FAM13A: variants seen among roughly 807,000 people sequenced by gnomAD.
FAM13A encodes protein FAM13A.
Under a neutral mutation model 129.6 loss-of-function variants are expected in FAM13A, and 76 were observed. That is an observed-to-expected ratio of 0.59 (90% CI 0.49 to 0.71). FAM13A has a LOEUF of 0.71. Ranked by LOEUF, FAM13A falls within the 30% of genes least tolerant of loss-of-function variation. The pLI is 0.00. For missense variants in FAM13A, 1,108 were observed against 1,249.3 expected (o/e 0.89, Z 1.70); for synonymous variants, 443 against 449.9 (o/e 0.98, Z 0.20).
chr4:88,906,531 A>G (rs1187486179), intron 5 of FAM13A, 69 bp from the exon 6 acceptor site: 10 of 1,004,008 alleles, frequency 1.0e-5, no homozygotes, highest in African/African-American at 8.3e-5. Flanking sequence ...ATTACAAGGT[A>G]GTGAAAAACA....
At chr4:88,902,394 A>G (rs991199293) in intron 6 of FAM13A, among the ~76,000 whole-genome samples, 18 of 152,184 alleles carry the variant, frequency 1.2e-4, no homozygotes, top group Non-Finnish European at 2.6e-4. Context: ...CAACACATCA[A>G]AAAGCATATG....
At chr4:88,828,113 C>G (rs1733320878) in intron 7 of FAM13A, among the ~76,000 whole-genome samples, 1 of 152,070 alleles carries the variant, frequency 6.6e-6, no homozygotes. Context: ...TACTTTAGGT[C>G]TAGGCTAATT....
At chr4:88,752,483 T>A (rs1742826754) in intron 14 of FAM13A, among the ~76,000 whole-genome samples, 1 of 152,194 alleles carries the variant, frequency 6.6e-6, no homozygotes, top group Non-Finnish European at 1.5e-5. Flanking sequence ...CTAGGTTATC[T>A]GGAAATGCAG....
Position 88,726,589 on chromosome 4 carries a change from T to TA in FAM13A, c.*1943dup, listed in dbSNP as rs1344985142. On this transcript the variant is annotated 3_prime_UTR_variant, in exon 24 of 24. Coordinates refer to ENST00000264344, the MANE Select transcript of FAM13A (RefSeq NM_014883.4). Reference sequence around the variant, plus strand: ...AGCTAACTGGTAATGATCTGATTAATATCATAGCTTATTTAAGAGAGCTAT... The same window carrying TA: ...AGCTAACTGGTAATGATCTGATTAATAATCATAGCTTATTTAAGAGAGCTAT... 1 of 152,620 alleles carries TA rather than the reference T, an allele frequency of 6.6e-6. No homozygotes were observed. The highest frequency in any genetic ancestry group is 1.5e-5 in the Non-Finnish European group (1 of 68,044). 9.5% of individuals were successfully genotyped at this position (152,620 alleles called of 1,614,324 possible).
At chr4:88,802,140 G>C (rs1727593442) in intron 8 of FAM13A, among the ~76,000 whole-genome samples, 1 of 152,156 alleles carries the variant, frequency 6.6e-6, no homozygotes, top group South Asian at 2.1e-4. Flanking sequence ...AACAGGGTAT[G>C]AACATCCTGG....
At chr4:89,006,876 C>T (rs544827562) in intron 3 of FAM13A, among the ~76,000 whole-genome samples, 4 of 152,268 alleles carry the variant, frequency 2.6e-5, no homozygotes, top group African/African-American at 7.2e-5. Flanking sequence ...GAAGTTAAGC[C>T]GCATCTATCC....
Position 88,732,067 on chromosome 4 carries a change from C to T in FAM13A, c.2778G>A (p.Met926Ile), listed in dbSNP as rs767678933. The T allele has an allele frequency of 7.4e-6, 12 of 1,613,740 alleles. No homozygotes were observed. The highest frequency in any genetic ancestry group is 1.0e-5 in the Non-Finnish European group (12 of 1,179,866). The change falls in exon 22 of 24, where the codon ATG becomes ATA. Residue 926 changes from methionine (M) to isoleucine (I), a missense_variant. This residue lies in a region of FAM13A where 529 missense variants were observed against 621.2 expected (regional missense o/e 0.85). Transcript: ENST00000264344. The part of the protein sequence containing the change: ...EDDADGFISP[M>I]DDKIPSKCSQ... ...TGCATTTTGATGGTATTTTATCATC[C>T]ATTGGGGAAATAAATCCATCAGCGT...
chr4:88,924,891 A>G (rs1393696716), intron 5 of FAM13A, among the ~76,000 whole-genome samples: 6 of 151,734 alleles, frequency 4.0e-5, no homozygotes, highest in South Asian at 2.1e-4. Flanking sequence ...AAAAGTGGGC[A>G]AAGGATATGA....
At chr4:88,922,860 A>C (rs1751369756) in intron 5 of FAM13A, among the ~76,000 whole-genome samples, 1 of 152,204 alleles carries the variant, frequency 6.6e-6, no homozygotes, top group African/African-American at 2.4e-5. Flanking sequence ...AAAAATGATA[A>C]AGGGGATATC....
chr4:88,750,496 T>C lies in FAM13A; in HGVS notation c.1868A>G (p.Tyr623Cys), dbSNP rs1319544057. ...DPMLSPRFYA[Y>C]GQSRQYLDDT... ...ATCCAGGTATTGCCTGCTCTGCCCATAAGCGTAGAACCGAGGAGAGAGCAT... is the reference window on the plus strand; with the variant it reads ...ATCCAGGTATTGCCTGCTCTGCCCACAAGCGTAGAACCGAGGAGAGAGCAT... Residue 623 changes from tyrosine to cysteine, a missense_variant, in exon 15 of 24, where the codon TAT (tyrosine) becomes TGT (cysteine). Tyr to Cys is a radical substitution (Grantham distance 194). Coordinates refer to ENST00000264344, the MANE Select transcript of FAM13A (RefSeq NM_014883.4). 6.2e-7 allele frequency: 1 copy of C among 1,614,178 alleles called. No homozygotes were observed. The highest frequency in any genetic ancestry group is 8.5e-7 in the Non-Finnish European group (1 of 1,180,024).
chr4:88,896,574 T>C (rs1000168047), intron 6 of FAM13A, among the ~76,000 whole-genome samples: 7 of 152,162 alleles, frequency 4.6e-5, no homozygotes, highest in Non-Finnish European at 1.0e-4. Flanking sequence ...AAAGAAAAAA[T>C]AACTGTGACA....
intron 4 of FAM13A, among the ~76,000 whole-genome samples, chr4:88,949,548 C>T (rs1199130030): frequency 6.6e-6 from 1 of 152,142 alleles, no homozygotes; most frequent in East Asian, 1.9e-4. Context: ...TCTCCTGTCT[C>T]TGAATCTATT....
intron 1 of FAM13A, among the ~76,000 whole-genome samples, chr4:89,032,601 A>G (rs1486503913): frequency 1.3e-5 from 2 of 152,218 alleles, no homozygotes; most frequent in Non-Finnish European, 2.9e-5. Flanking sequence ...ATACTTTTTT[A>G]TAATTAAGTA....
intron 7 of FAM13A, among the ~76,000 whole-genome samples, chr4:88,847,717 G>A (rs1455183803): frequency 6.6e-6 from 1 of 152,152 alleles, no homozygotes; most frequent in East Asian, 1.9e-4. Flanking sequence ...GGTGGTTCAA[G>A]AGGTCAGGAG....
intron 6 of FAM13A, among the ~76,000 whole-genome samples, chr4:88,866,611 C>G (rs139430559): frequency 6.6e-6 from 1 of 150,756 alleles, no homozygotes; most frequent in African/African-American, 2.4e-5. Flanking sequence ...GTCCAGAATA[C>G]AAAAAAAAAT....
intron 5 of FAM13A, among the ~76,000 whole-genome samples, chr4:88,913,961 C>A (rs1749637191): frequency 6.6e-6 from 1 of 151,808 alleles, no homozygotes; most frequent in Non-Finnish European, 1.5e-5. Flanking sequence ...CAAGATCATG[C>A]CATTGCACTC....
At chr4:88,990,682 A>G (rs1762818627) in intron 4 of FAM13A, 1 of 228,174 alleles carries the variant, frequency 4.4e-6, no homozygotes, top group Admixed American at 6.5e-5. Flanking sequence ...AACATTTCTG[A>G]TTACAGATTT....
intron 14 of FAM13A, among the ~76,000 whole-genome samples, chr4:88,758,532 A>G (rs1441700804): frequency 2.0e-5 from 3 of 152,076 alleles, no homozygotes; most frequent in Admixed American, 6.6e-5. Flanking sequence ...ACTATGATAA[A>G]GGGCAAGCAT....
rs1045730657 is a variant in FAM13A, at chr4:88,781,136, A to G, written c.1458+29T>C. The G allele has an allele frequency of 2.1e-6, 3 of 1,424,888 alleles. No individual in the cohort carries two copies. The African/African-American group carries it at 4.4e-5, about 21-fold the overall frequency. The allele number at this position is 1,424,888 out of a possible 1,614,324, so 88.3% of individuals were successfully genotyped here. On this transcript the variant is annotated intron_variant, in intron 11 of 23. Transcript: ENST00000264344. ...AAAAGAGATGTAATATTTCCTAACA[A>G]GTAAAACTTTATAGACGTATTCACT...
Sources: allele counts gnomAD v4.1 joint callset (sites outside exome capture counted in the v4.1 genomes callset), GRCh38; gene constraint gnomAD v4.1.1; regional missense constraint gnomAD v4.1.1; transcripts MANE v1.5; gene names NCBI Gene and HGNC (gene_info 2026-07-23, HGNC 2026-07-21).